Variants in KDM2B observed in about 807,000 individuals in gnomAD.
The protein encoded by KDM2B is lysine-specific demethylase 2B.
Under a neutral mutation model 150.0 loss-of-function variants are expected in KDM2B, and 26 were observed. The observed-to-expected ratio is 0.17, with a 90% CI of 0.13 to 0.24. The LOEUF (loss-of-function observed/expected upper bound fraction) is 0.24, where lower values mean the gene tolerates loss of function less well. KDM2B is among the 10% of genes least tolerant of loss of function. The pLI is 1.00. For synonymous variants in KDM2B, 734 were observed against 729.5 expected, an observed-to-expected ratio of 1.01 and a Z score of -0.10; for missense variants, 1,265 against 1,816.9, an observed-to-expected ratio of 0.70 and a Z score of 5.52.
At chr12:121,475,508 C>T (rs1881265557) in intron 12 of KDM2B, among the ~76,000 whole-genome samples, 1 of 151,930 alleles carries the variant, frequency 6.6e-6, no homozygotes, top group African/African-American at 2.4e-5. Flanking sequence ...GTGTGAGGAT[C>T]ATTTGAGCCC....
chr12:121,572,453 C>T (rs782313525), intron 4 of KDM2B, among the ~76,000 whole-genome samples: 2 of 152,168 alleles, frequency 1.3e-5, no homozygotes, highest in Non-Finnish European at 2.9e-5. Context: ...CCCGACTTCC[C>T]TTGTGCCCTT....
At position 121,442,658 on chromosome 12, in the gene KDM2B, T is replaced by A. The variant is rs368013325; in HGVS notation, c.2783A>T (p.Glu928Val). The A allele has an allele frequency of 1.9e-4, 312 of 1,605,356 alleles. No homozygotes were observed. The highest frequency in any genetic ancestry group is 1.7e-3 in the South Asian group (156 of 90,426). ...GPSTEGAEGP[E>V]EKKKVKMRRK... ...GCGCATCTTCACCTTCTTCTTCTCC[T>A]CCGGGCCCTCGGCCCCTTCGGTGCT... Residue 928 changes from glutamate (E) to valine (V), a missense_variant, in exon 19 of 23, where the codon GAG (glutamate) becomes GTG (valine). Coordinates refer to ENST00000377071, the MANE Select transcript of KDM2B (RefSeq NM_032590.5). This position sits in a 1 kb window ranked among gnomAD's most constrained non-coding sequence, Gnocchi z 7.7.
intron 12 of KDM2B, among the ~76,000 whole-genome samples, chr12:121,458,393 A>T (rs546363249): frequency 2.0e-5 from 3 of 152,248 alleles, no homozygotes; most frequent in South Asian, 2.1e-4. Context: ...AACAAGAATT[A>T]AAAAAATAAA....
chr12:121,464,494 G>C (rs782163315), intron 12 of KDM2B, among the ~76,000 whole-genome samples: 8 of 152,252 alleles, frequency 5.3e-5, no homozygotes, highest in Non-Finnish European at 1.0e-4. Flanking sequence ...AACCCAGGCT[G>C]CTGAGGGAAG....
intron 4 of KDM2B, among the ~76,000 whole-genome samples, chr12:121,559,889 G>A (rs1420705944): frequency 1.5e-5 from 2 of 135,740 alleles, no homozygotes; most frequent in Non-Finnish European, 1.6e-5. Flanking sequence ...AGCAACAAGA[G>A]CAAAACTCCA....
chr12:121,517,553 C>G (rs1256826228), intron 9 of KDM2B, among the ~76,000 whole-genome samples: 2 of 151,060 alleles, frequency 1.3e-5, no homozygotes, highest in African/African-American at 4.9e-5. Flanking sequence ...ACTGTAACCT[C>G]TGCCTACTGG....
intron 6 of KDM2B, among the ~76,000 whole-genome samples, chr12:121,547,645 C>CTTTTTTTTTTTTTTTTT (rs55686141): frequency 1.2e-5 from 1 of 80,268 alleles, no homozygotes; most frequent in African/African-American, 4.2e-5. Context: ...CTTCCCCTTC[C>CTTTTTTTTTTTTTTTTT]TTTTTTTTTT....
intron 8 of KDM2B, among the ~76,000 whole-genome samples, chr12:121,532,437 G>A (rs953014230): frequency 6.6e-6 from 1 of 152,188 alleles, no homozygotes; most frequent in East Asian, 1.9e-4. Flanking sequence ...CAGCCTCTAA[G>A]TGGTCGATCC....
At chr12:121,424,992 T>C (rs539710387), downstream of KDM2B, among the ~76,000 whole-genome samples, 181 of 152,288 alleles carry the variant, frequency 1.2e-3, 2 homozygotes, top group Non-Finnish European at 1.9e-3. Flanking sequence ...AGAGTTGCTC[T>C]TAACCCTTCC....
At chr12:121,431,734 T>G (rs79046995) in intron 22 of KDM2B, among the ~76,000 whole-genome samples, 13,083 of 152,038 alleles carry the variant, frequency 0.086, 1,806 homozygotes, top group African/African-American at 0.29. Flanking sequence ...GCTCACCAAT[T>G]CGTGAACCTG....
intron 9 of KDM2B, among the ~76,000 whole-genome samples, chr12:121,515,697 G>A (rs782432289): frequency 3.3e-5 from 5 of 151,870 alleles, no homozygotes; most frequent in Admixed American, 6.6e-5. Flanking sequence ...CAAACCCAGC[G>A]TCTCTGAGAG....
At chr12:121,481,763 T>TTTTG (rs59507585) in intron 12 of KDM2B, among the ~76,000 whole-genome samples, 80,120 of 148,628 alleles carry the variant, frequency 0.54, 21,821 homozygotes, top group Middle Eastern at 0.61. Flanking sequence ...TTAGGGTTTT[T>TTTTG]TTTGTTTGTT....
the KDM2B span, among the ~76,000 whole-genome samples, chr12:121,410,780 C>A: frequency 6.6e-6 from 1 of 152,154 alleles, no homozygotes; most frequent in East Asian, 1.9e-4. Flanking sequence ...TTCAGAGATT[C>A]TAATGAGGCT....
intron 19 of KDM2B, 137 bp from the exon 20 acceptor site, chr12:121,441,370 G>T (rs192611181): frequency 4.0e-6 from 3 of 754,822 alleles, no homozygotes; most frequent in Non-Finnish European, 6.3e-6. Context: ...TCTCTATGTA[G>T]CACCTATCCT....
chr12:121,579,960 AGATCTATC>A, intron 1 of KDM2B: 3 of 1,453,264 alleles, frequency 2.1e-6, no homozygotes, highest in Non-Finnish European at 2.7e-6. Context: ...AAAAAAAAAA[AGATCTATC>A]ATATGCCAGA....
the KDM2B span, among the ~76,000 whole-genome samples, chr12:121,410,613 C>T: frequency 6.6e-6 from 1 of 152,054 alleles, no homozygotes; most frequent in South Asian, 2.1e-4. Flanking sequence ...GGGGCTTCCC[C>T]TGCTTCAAAT....
At chr12:121,569,079 C>A (rs1012303376) in intron 4 of KDM2B, among the ~76,000 whole-genome samples, 1 of 152,214 alleles carries the variant, frequency 6.6e-6, no homozygotes, top group African/African-American at 2.4e-5. Context: ...ACACAGGCTG[C>A]GACCCCGCAA....
At chr12:121,546,593 C>T (rs1388936079) in intron 6 of KDM2B, among the ~76,000 whole-genome samples, 2 of 150,526 alleles carry the variant, frequency 1.3e-5, no homozygotes, top group Non-Finnish European at 3.0e-5. Flanking sequence ...TTAGTAGAGA[C>T]GGGGTTTCAC....
intron 4 of KDM2B, among the ~76,000 whole-genome samples, chr12:121,557,231 A>ATTTTTTTTTTTTTTTTTTTTTTTTT (rs142679491): frequency 1.9e-5 from 2 of 103,724 alleles, no homozygotes; most frequent in Non-Finnish European, 1.8e-5. Context: ...AGACAAGAGA[A>ATTTTTTTTTTTTTTTTTTTTTTTTT]TTTTTTTTTT....
Sources: allele counts gnomAD v4.1 joint callset (sites outside exome capture counted in the v4.1 genomes callset), GRCh38; gene constraint gnomAD v4.1.1; non-coding constraint Gnocchi (gnomAD v3.1); transcripts MANE v1.5; gene names NCBI Gene and HGNC (gene_info 2026-07-23, HGNC 2026-07-21).